LNX1: variants seen among roughly 807,000 people sequenced by gnomAD.
The protein encoded by LNX1 is E3 ubiquitin-protein ligase LNX.
A neutral mutation model predicts 68.4 loss-of-function variants in LNX1; 54 were observed. That is an observed-to-expected ratio of 0.79 (90% CI 0.63 to 0.99). LNX1 has a LOEUF of 0.99. Ranked by LOEUF, LNX1 falls within the 50% of genes least tolerant of loss-of-function variation. LNX1 has a pLI of 0.00. For synonymous variants in LNX1, 336 were observed against 350.0 expected (o/e 0.96, Z 0.45); for missense variants, 906 against 926.4 (o/e 0.98, Z 0.29).
intron 1 of LNX1, among the ~76,000 whole-genome samples, chr4:53,587,367 A>G (rs948085706): frequency 1.3e-5 from 2 of 152,208 alleles, no homozygotes; most frequent in Admixed American, 1.3e-4. Context: ...TAATGATTAA[A>G]TCATATTAAC....
chr4:53,573,601 G>A (rs1311724438), intron 2 of LNX1, 22 bp downstream of exon 2: 8 of 1,573,942 alleles, frequency 5.1e-6, no homozygotes, highest in African/African-American at 1.3e-5. Flanking sequence ...GGGACTTACC[G>A]GCTCGCTGAT....
At chr4:53,494,830 C>G (rs1325625534) in intron 6 of LNX1, among the ~76,000 whole-genome samples, 1 of 152,172 alleles carries the variant, frequency 6.6e-6, no homozygotes, top group African/African-American at 2.4e-5. Context: ...AAGAATAAAG[C>G]TCACAGCTTA....
chr4:53,640,038 A>G lies in LNX1; in HGVS notation c.-215+12130T>C, dbSNP rs192767930. ...GGCAACAGAGTGAGACTCTGTCTCA[A>G]AAAAAAATAAAAATAAAAAAGAATT... On this transcript the variant is annotated intron_variant, in intron 1 of 2. Transcript: ENST00000507168. Among the ~76,000 whole-genome samples, 19 of 152,100 alleles carry G rather than the reference A, an allele frequency of 1.2e-4. No homozygotes were observed. The East Asian group carries it at 3.3e-3, about 26-fold the overall frequency.
At chr4:53,633,252 T>C (rs1317256219) in intron 1 of LNX1, among the ~76,000 whole-genome samples, 1 of 152,210 alleles carries the variant, frequency 6.6e-6, no homozygotes, top group African/African-American at 2.4e-5. Flanking sequence ...GATTCAGTAA[T>C]GGCAGCTTCC....
chr4:53,493,128 C>T (rs1456725656), intron 6 of LNX1, among the ~76,000 whole-genome samples: 1 of 152,136 alleles, frequency 6.6e-6, no homozygotes, highest in African/African-American at 2.4e-5. Flanking sequence ...TGCCACCACA[C>T]CCAGCTAATT....
At chr4:53,555,290 C>A (rs563324128) in intron 2 of LNX1, among the ~76,000 whole-genome samples, 6 of 152,294 alleles carry the variant, frequency 3.9e-5, no homozygotes, top group Non-Finnish European at 1.5e-5. Context: ...GTGACAACCA[C>A]AGCCAGCCCC....
At chr4:53,503,559 T>C (rs538427343) in intron 4 of LNX1, among the ~76,000 whole-genome samples, 12 of 152,318 alleles carry the variant, frequency 7.9e-5, no homozygotes, top group Middle Eastern at 3.4e-3. Flanking sequence ...GGGCTTAAAA[T>C]ATTGAGTAAA....
chr4:53,547,496 T>G (rs979230579), intron 2 of LNX1, among the ~76,000 whole-genome samples: 2 of 152,148 alleles, frequency 1.3e-5, no homozygotes, highest in Admixed American at 6.6e-5. Flanking sequence ...GCATGTGCCT[T>G]GAATCACTAG....
chr4:53,465,183 TAAACA>T (rs1722582388), intron 9 of LNX1, among the ~76,000 whole-genome samples: 1 of 152,182 alleles, frequency 6.6e-6, no homozygotes, highest in African/African-American at 2.4e-5. Flanking sequence ...ATTTGGCAAA[TAAACA>T]AGTTTGGCTG....
At chr4:53,631,300 C>T (rs963208993) in intron 1 of LNX1, among the ~76,000 whole-genome samples, 3 of 152,136 alleles carry the variant, frequency 2.0e-5, no homozygotes, top group African/African-American at 7.2e-5. Flanking sequence ...TACAACGAAA[C>T]ACCCTTTTCC....
At chr4:53,555,344 T>C (rs1419902639) in intron 2 of LNX1, among the ~76,000 whole-genome samples, 3 of 152,078 alleles carry the variant, frequency 2.0e-5, no homozygotes, top group African/African-American at 7.2e-5. Flanking sequence ...AAATACTTCC[T>C]CTTTCTACCC....
intron 2 of LNX1, among the ~76,000 whole-genome samples, chr4:53,542,069 CAG>C (rs891648016): frequency 2.6e-5 from 4 of 152,138 alleles, no homozygotes; most frequent in Admixed American, 2.6e-4. Flanking sequence ...ACCTTGCACT[CAG>C]GGGGATGTCA....
intron 2 of LNX1, among the ~76,000 whole-genome samples, chr4:53,528,755 G>T (rs1727808796): frequency 6.6e-6 from 1 of 152,054 alleles, no homozygotes; most frequent in Non-Finnish European, 1.5e-5. Flanking sequence ...TAAACAAACT[G>T]GGTAAGTTTA....
At chr4:53,566,756 C>G (rs1262843378) in intron 2 of LNX1, among the ~76,000 whole-genome samples, 5 of 151,224 alleles carry the variant, frequency 3.3e-5, no homozygotes, top group Admixed American at 6.6e-5. Context: ...GGAAACCCAT[C>G]TCATGTGCAG....
At chr4:53,518,122 C>G (rs1222183700) in intron 2 of LNX1, among the ~76,000 whole-genome samples, 1 of 152,218 alleles carries the variant, frequency 6.6e-6, no homozygotes, top group Non-Finnish European at 1.5e-5. Flanking sequence ...AGGCCACCAT[C>G]ATGGGCACCT....
rs755824691 is a variant in LNX1 at position 53,461,015 on chromosome 4, A to G, written c.2079T>C (p.Asn693=). The change falls in exon 11 of 11, where the codon AAT becomes AAC. Residue 693 remains asparagine, a synonymous_variant. Transcript: ENST00000263925. ...GTATCATTCCTGATGTACTTCTACC[A>G]TTGACAGCAAGAAGAATATCACCAC... ...IRCGDILLAV[N]GRSTSGMIHA... The G allele has an allele frequency of 8.2e-6, 13 of 1,586,182 alleles. No homozygotes were observed. The African/African-American group carries it at 9.6e-5, about 12-fold the overall frequency.
chr4:53,519,842 G>C (rs578241476), intron 2 of LNX1, among the ~76,000 whole-genome samples: 2 of 152,168 alleles, frequency 1.3e-5, no homozygotes, highest in Non-Finnish European at 2.9e-5. Context: ...GCAGGTTTGC[G>C]CAGTTTGCAT....
At chr4:53,651,445 A>G (rs1735093869) in intron 1 of LNX1, among the ~76,000 whole-genome samples, 1 of 152,244 alleles carries the variant, frequency 6.6e-6, no homozygotes, top group Admixed American at 6.5e-5. Flanking sequence ...AAACAGGAAT[A>G]CATGACAAGG....
intron 2 of LNX1, among the ~76,000 whole-genome samples, chr4:53,543,990 T>C (rs1174017391): frequency 6.6e-6 from 1 of 152,232 alleles, no homozygotes; most frequent in African/African-American, 2.4e-5. Flanking sequence ...TCTGGGTCTT[T>C]TGTAACTGAA....
Sources: allele counts gnomAD v4.1 joint callset (sites outside exome capture counted in the v4.1 genomes callset), GRCh38; gene constraint gnomAD v4.1.1; transcripts MANE v1.5; gene names NCBI Gene and HGNC (gene_info 2026-07-23, HGNC 2026-07-21).